LDLRAD4: variants seen among roughly 807,000 people sequenced by gnomAD.
The protein encoded by LDLRAD4 is low density lipoprotein receptor class A domain containing 4, also known as low-density lipoprotein receptor class A domain-containing protein 4.
A neutral mutation model predicts 17.0 loss-of-function variants in LDLRAD4; 5 were observed. The ratio of observed to expected loss-of-function variants is 0.29; its 90% CI spans 0.15 to 0.62. LDLRAD4 has a LOEUF of 0.62. LDLRAD4 is among the 20% of genes least tolerant of loss of function. The pLI, the probability that LDLRAD4 is intolerant of heterozygous loss-of-function variation, is 0.84. For synonymous variants in LDLRAD4, 168 were observed against 171.8 expected (o/e 0.98, Z 0.17); for missense variants, 340 against 424.7 (o/e 0.80, Z 1.75).
intron 3 of LDLRAD4, among the ~76,000 whole-genome samples, chr18:13,483,354 C>G (rs973349732): frequency 3.3e-5 from 5 of 152,188 alleles, no homozygotes; most frequent in Admixed American, 1.3e-4. Flanking sequence ...CCTTGAAGCT[C>G]CCATCTCCAA....
intron 3 of LDLRAD4, among the ~76,000 whole-genome samples, chr18:13,605,149 A>T (rs2095210156): frequency 6.6e-6 from 1 of 152,240 alleles, no homozygotes; most frequent in African/African-American, 2.4e-5. Context: ...TATGGTGTCC[A>T]GAAATCCTGA....
At chr18:13,418,224 ACTC>A (rs1469462545) in intron 2 of LDLRAD4, among the ~76,000 whole-genome samples, 1 of 151,826 alleles carries the variant, frequency 6.6e-6, no homozygotes, top group Non-Finnish European at 1.5e-5. Context: ...CCAGAAGTGA[ACTC>A]CTCTGTACCC....
At chr18:13,596,001 G>GT (rs2095090860) in intron 3 of LDLRAD4, among the ~76,000 whole-genome samples, 1 of 152,114 alleles carries the variant, frequency 6.6e-6, no homozygotes, top group East Asian at 1.9e-4. Flanking sequence ...TAAGTTGTCT[G>GT]TTTTTCCTTT....
chr18:13,225,673 A>G (rs1310990476), intron 1 of LDLRAD4, among the ~76,000 whole-genome samples: 1 of 152,232 alleles, frequency 6.6e-6, no homozygotes, highest in Non-Finnish European at 1.5e-5. Flanking sequence ...ACTGAAGAGA[A>G]TTAGGAAATA....
intron 1 of LDLRAD4, among the ~76,000 whole-genome samples, chr18:13,231,409 C>T (rs945086541): frequency 6.6e-6 from 1 of 152,126 alleles, no homozygotes; most frequent in Non-Finnish European, 1.5e-5. Context: ...CACCATTCCT[C>T]CTGATTGCGG....
intron 1 of LDLRAD4, among the ~76,000 whole-genome samples, chr18:13,293,900 A>G (rs567958588): frequency 1.3e-5 from 2 of 152,176 alleles, no homozygotes; most frequent in Non-Finnish European, 2.9e-5. Context: ...GCACTGTCCA[A>G]CCTTAGGGAT....
intron 1 of LDLRAD4, among the ~76,000 whole-genome samples, chr18:13,260,438 A>G (rs1294277563): frequency 6.6e-6 from 1 of 152,204 alleles, no homozygotes. Context: ...AATGCCTTAA[A>G]TGTATTAGGG....
At chr18:13,309,707 T>C (rs926472679) in intron 1 of LDLRAD4, among the ~76,000 whole-genome samples, 2 of 152,174 alleles carry the variant, frequency 1.3e-5, no homozygotes, top group African/African-American at 4.8e-5. Flanking sequence ...GTATTTCCTG[T>C]GGCTCGGGAG....
At chr18:13,413,310 C>T (rs1435984361) in intron 2 of LDLRAD4, among the ~76,000 whole-genome samples, 1 of 152,242 alleles carries the variant, frequency 6.6e-6, no homozygotes, top group Non-Finnish European at 1.5e-5. Context: ...GTTCACTACT[C>T]ACTGACATGT....
intron 1 of LDLRAD4, among the ~76,000 whole-genome samples, chr18:13,248,152 A>G (rs967900262): frequency 1.3e-5 from 2 of 151,888 alleles, no homozygotes; most frequent in African/African-American, 4.8e-5. Context: ...TAGTACATAC[A>G]CTGTTTCTCC....
At chr18:13,270,166 C>T (rs989325430) in intron 1 of LDLRAD4, among the ~76,000 whole-genome samples, 16 of 152,060 alleles carry the variant, frequency 1.1e-4, no homozygotes, top group Non-Finnish European at 1.8e-4. Context: ...AGTTTGAGAC[C>T]AGGCTGGGCA....
intron 1 of LDLRAD4, among the ~76,000 whole-genome samples, chr18:13,297,951 C>T (rs547227282): frequency 1.1e-4 from 17 of 152,348 alleles, no homozygotes; most frequent in Admixed American, 4.6e-4. Flanking sequence ...AGGCTGGGCC[C>T]TCTCTTAGTT....
chr18:13,256,032 C>G (rs1489563884), intron 1 of LDLRAD4, among the ~76,000 whole-genome samples: 2 of 152,152 alleles, frequency 1.3e-5, no homozygotes, highest in Non-Finnish European at 2.9e-5. Context: ...TGATGTATCA[C>G]TTATTTAGGA....
chr18:13,530,935 A>T (rs79741630), intron 3 of LDLRAD4, among the ~76,000 whole-genome samples: 1,706 of 152,280 alleles, frequency 0.011, 30 homozygotes, highest in East Asian at 0.068. Context: ...TGGAAGGACT[A>T]TATTCTAAAC....
chr18:13,339,875 AC>A (rs1171849132), intron 1 of LDLRAD4, among the ~76,000 whole-genome samples: 1 of 152,150 alleles, frequency 6.6e-6, no homozygotes, highest in East Asian at 1.9e-4. Context: ...AACCATTACC[AC>A]CATCTATCTT....
intron 1 of LDLRAD4, among the ~76,000 whole-genome samples, chr18:13,347,259 C>A (rs1279603345): frequency 6.6e-6 from 1 of 152,184 alleles, no homozygotes; most frequent in Non-Finnish European, 1.5e-5. Flanking sequence ...TCTTGTAGGG[C>A]AGGCCTGGTG....
intron 2 of LDLRAD4, chr18:13,419,340 C>T (rs1269860028): frequency 6.6e-6 from 1 of 152,100 alleles, no homozygotes; most frequent in Non-Finnish European, 1.5e-5. Flanking sequence ...AGTCATCAAG[C>T]CATAGTTTTG....
intron 3 of LDLRAD4, among the ~76,000 whole-genome samples, chr18:13,549,701 C>T (rs1204446721): frequency 6.6e-6 from 1 of 151,902 alleles, no homozygotes; most frequent in East Asian, 1.9e-4. Flanking sequence ...TTAGCCCTGG[C>T]TGGACCATGT....
At chr18:13,448,437 G>C (rs1488317940) in intron 3 of LDLRAD4, among the ~76,000 whole-genome samples, 1 of 152,194 alleles carries the variant, frequency 6.6e-6, no homozygotes, top group Non-Finnish European at 1.5e-5. Context: ...AACTGGCAGA[G>C]CTGTAGGAAA....
Sources: allele counts gnomAD v4.1 joint callset (sites outside exome capture counted in the v4.1 genomes callset), GRCh38; gene constraint gnomAD v4.1.1; transcripts MANE v1.5; gene names NCBI Gene and HGNC (gene_info 2026-07-23, HGNC 2026-07-21).